Variants in TENM2 observed in about 807,000 individuals in gnomAD.
TENM2 encodes teneurin transmembrane protein 2, also known as teneurin-2.
A neutral mutation model predicts 245.2 loss-of-function variants in TENM2; 52 were observed. That is an observed-to-expected ratio of 0.21 (90% confidence interval 0.17 to 0.27). TENM2 has a LOEUF of 0.27. Among genes scored for constraint, TENM2 ranks in the 10% least tolerant of loss-of-function variants. TENM2 has a pLI of 1.00. For synonymous variants in TENM2, 1,363 were observed against 1,438.9 expected (o/e 0.95, Z 1.19); for missense variants, 3,046 against 3,666.8 (o/e 0.83, Z 4.37).
chr5:168,112,804 C>G (rs551692168), intron 9 of TENM2, among the ~76,000 whole-genome samples: 1 of 152,242 alleles, frequency 6.6e-6, no homozygotes, highest in East Asian at 1.9e-4. Flanking sequence ...CCTCCATGAC[C>G]TAAATATTAC....
intron 2 of TENM2, among the ~76,000 whole-genome samples, chr5:167,377,002 G>A (rs1760789318): frequency 6.6e-6 from 1 of 152,068 alleles, no homozygotes; most frequent in South Asian, 2.1e-4. Flanking sequence ...TACCTATAGA[G>A]GGAACCGTCT....
chr5:168,129,040 C>A (rs1400746295), intron 12 of TENM2: 1 of 151,844 alleles, frequency 6.6e-6, no homozygotes, highest in Non-Finnish European at 1.5e-5. Context: ...GGCAGGTCCA[C>A]ACCCCCATTA....
In TENM2 at chr5:168,027,366, G is replaced by A. The variant is rs951417523; in HGVS notation, c.1187-20061G>A. The stretch of plus-strand genomic sequence containing the variant: ...ATACTGCCCAGAAGCCCCTAGAATG[G>A]CTTTTTGTTTCTCTAACACTGTCAG... On this transcript the variant is annotated intron_variant, in intron 5 of 28. Coordinates refer to ENST00000518659, the Ensembl canonical transcript of TENM2. 6.4e-4 allele frequency among the ~76,000 whole-genome samples: 97 copies of A among 152,296 alleles called. 1 individual carries two copies. The highest frequency in any genetic ancestry group is 2.2e-3 in the African/African-American group (92 of 41,562).
At chr5:167,318,914 A>G (rs756167070) in intron 1 of TENM2, among the ~76,000 whole-genome samples, 1 of 152,224 alleles carries the variant, frequency 6.6e-6, no homozygotes, top group African/African-American at 2.4e-5. Context: ...GTTGTCTTCC[A>G]TTAAGTTGAT....
the TENM2 span, among the ~76,000 whole-genome samples, chr5:167,236,859 C>T: frequency 6.6e-6 from 1 of 151,240 alleles, no homozygotes; most frequent in African/African-American, 2.4e-5. Context: ...TTCTTCCACT[C>T]AGCCTGTCTC....
chr5:167,396,489 G>C (rs1049560134), intron 2 of TENM2, among the ~76,000 whole-genome samples: 2 of 152,142 alleles, frequency 1.3e-5, no homozygotes, highest in Non-Finnish European at 2.9e-5. Context: ...TGATTAAATA[G>C]GGGTGTCAGT....
the TENM2 span, among the ~76,000 whole-genome samples, chr5:167,186,569 C>A: frequency 6.6e-6 from 1 of 152,116 alleles, no homozygotes; most frequent in Non-Finnish European, 1.5e-5. Flanking sequence ...TTTGGGAGAC[C>A]AAATTTGGAA....
At chr5:167,768,379 C>G (rs1272824887) in intron 2 of TENM2, among the ~76,000 whole-genome samples, 3 of 152,026 alleles carry the variant, frequency 2.0e-5, no homozygotes, top group African/African-American at 7.2e-5. Flanking sequence ...GTGACATCCC[C>G]CATTAGTGCC....
chr5:167,666,703 A>G (rs1282584440), intron 2 of TENM2, among the ~76,000 whole-genome samples: 5 of 152,198 alleles, frequency 3.3e-5, no homozygotes, highest in Non-Finnish European at 5.9e-5. Context: ...CTTTTCACAA[A>G]TGGTCTGAAA....
At chr5:167,710,522 A>C (rs1422519833) in intron 2 of TENM2, among the ~76,000 whole-genome samples, 1 of 152,228 alleles carries the variant, frequency 6.6e-6, no homozygotes, top group Non-Finnish European at 1.5e-5. Flanking sequence ...ATGAACGACA[A>C]GAGAGCAGAA....
At chr5:166,996,321 C>T in the TENM2 span, among the ~76,000 whole-genome samples, 5 of 152,000 alleles carry the variant, frequency 3.3e-5, no homozygotes, top group Admixed American at 6.6e-5. Context: ...CCAGCCTGGG[C>T]GACAGAGTGA....
chr5:167,381,166 T>G (rs907595862), intron 2 of TENM2, among the ~76,000 whole-genome samples: 2 of 151,946 alleles, frequency 1.3e-5, no homozygotes, highest in African/African-American at 2.4e-5. Flanking sequence ...TAGAAGAAAA[T>G]TTCAGGTATT....
chr5:167,199,360 G>A, the TENM2 span, among the ~76,000 whole-genome samples: 1 of 151,982 alleles, frequency 6.6e-6, no homozygotes, highest in Non-Finnish European at 1.5e-5. Context: ...CTTGTAACTG[G>A]CATTCTCATC....
At chr5:167,570,370 T>TAAG (rs976589121) in intron 2 of TENM2, among the ~76,000 whole-genome samples, 1 of 128,470 alleles carries the variant, frequency 7.8e-6, no homozygotes, top group African/African-American at 2.8e-5. Context: ...AGTGGCATTT[T>TAAG]AAGAAGGATG....
At chr5:167,157,900 A>G in the TENM2 span, among the ~76,000 whole-genome samples, 1 of 152,078 alleles carries the variant, frequency 6.6e-6, no homozygotes, top group Non-Finnish European at 1.5e-5. Context: ...TAACAGTTTA[A>G]TTAGTTATTT....
At chr5:167,751,619 C>A (rs886813641) in intron 2 of TENM2, among the ~76,000 whole-genome samples, 2 of 151,998 alleles carry the variant, frequency 1.3e-5, no homozygotes, top group African/African-American at 2.4e-5. Context: ...ATGTAGTGGC[C>A]TGAGGTTTGT....
intron 2 of TENM2, among the ~76,000 whole-genome samples, chr5:167,392,566 C>G (rs149707262): frequency 1.3e-5 from 2 of 152,290 alleles, no homozygotes; most frequent in South Asian, 2.1e-4. Flanking sequence ...CATAACCTCT[C>G]CAACTCTCAG....
intron 2 of TENM2, among the ~76,000 whole-genome samples, chr5:167,519,239 C>G (rs1453528381): frequency 6.6e-6 from 1 of 152,062 alleles, no homozygotes; most frequent in East Asian, 1.9e-4. Flanking sequence ...AGAACTTTTT[C>G]CAAGACAGAA....
At chr5:167,089,276 T>C in the TENM2 span, among the ~76,000 whole-genome samples, 2 of 152,194 alleles carry the variant, frequency 1.3e-5, no homozygotes. Flanking sequence ...TTGCATGATA[T>C]GGGTTATTTT....
Sources: gnomAD v4.1 joint callset for allele counts (sites outside exome capture counted in the v4.1 genomes callset) on GRCh38, gnomAD v4.1.1 for gene constraint, MANE v1.5 for transcripts, NCBI Gene and HGNC (gene_info 2026-07-23, HGNC 2026-07-21) for gene names.